Variants in PIGL observed in about 807,000 individuals in gnomAD.
PIGL encodes the protein N-acetylglucosaminyl-phosphatidylinositol de-N-acetylase.
In PIGL, 22 loss-of-function variants were observed where a neutral mutation model predicts 31.1. The ratio of observed to expected loss-of-function variants is 0.71; its 90% CI spans 0.51 to 1.01. PIGL has a LOEUF of 1.01. Ranked by LOEUF, PIGL falls within the 50% of genes least tolerant of loss-of-function variation. The pLI is 0.00. For missense variants in PIGL, 302 were observed against 315.9 expected (o/e 0.96, Z 0.33); for synonymous variants, 131 against 117.4 (o/e 1.12, Z -0.75).
intron 2 of PIGL, among the ~76,000 whole-genome samples, chr17:16,267,250 T>C (rs1001394222): frequency 1.3e-5 from 2 of 152,124 alleles, no homozygotes; most frequent in East Asian, 3.8e-4. Flanking sequence ...GTAAGTGTAT[T>C]TACTATTCAT....
At chr17:16,264,037 C>T (rs1301051348) in intron 2 of PIGL, among the ~76,000 whole-genome samples, 3 of 91,490 alleles carry the variant, frequency 3.3e-5, no homozygotes, top group Admixed American at 1.3e-4. Context: ...TTTTTTGAGA[C>T]AGTCTCATTC....
At chr17:16,262,853 A>G (rs2092824634) in intron 2 of PIGL, among the ~76,000 whole-genome samples, 2 of 152,204 alleles carry the variant, frequency 1.3e-5, no homozygotes, top group Admixed American at 1.3e-4. Flanking sequence ...AAAATGTAGT[A>G]TGTTAATACA....
At chr17:16,318,108 A>G (rs1204194856) in intron 6 of PIGL, among the ~76,000 whole-genome samples, 200 bp downstream of exon 6, 4 of 152,146 alleles carry the variant, frequency 2.6e-5, no homozygotes, top group South Asian at 2.1e-4. Flanking sequence ...TTTTCTAATT[A>G]TAAAAATAAT....
rs1212354885 is a variant in PIGL at position 16,274,889 on chromosome 17, G to A, written c.336-24999G>A. On this transcript the variant is annotated intron_variant, in intron 2 of 6. Coordinates refer to ENST00000225609, the MANE Select transcript of PIGL (RefSeq NM_004278.4). ...TCTACTAAATATACAAAAATTAGCC[G>A]AGTGTGGTGGCTTGCGCCTGTAATC... 5.3e-5 allele frequency among the ~76,000 whole-genome samples: 8 copies of A among 151,762 alleles called. No individual in the cohort carries two copies. The South Asian group carries it at 6.2e-4, about 12-fold the overall frequency.
At chr17:16,220,927 A>G (rs1487496973) in intron 1 of PIGL, among the ~76,000 whole-genome samples, 3 of 152,116 alleles carry the variant, frequency 2.0e-5, no homozygotes, top group African/African-American at 7.2e-5. Flanking sequence ...GCCACTGAGC[A>G]TGGCCTGTTT....
Position 16,317,775 on chromosome 17 carries a change from G to A in PIGL, c.527G>A (p.Gly176Glu), listed in dbSNP as rs766617836. Reference protein sequence around the residue: ...ALHSEGKLPKGCSVLTLQSVN... With the variant: ...ALHSEGKLPKECSVLTLQSVN... ...TTCACCCTGTCTCCTCTCCATCCAG[G>A]GTGCTCTGTGCTCACGCTTCAGTCT... Residue 176 changes from glycine (G) to glutamate (E), a missense_variant and splice_region_variant, in exon 6 of 7, where the codon GGG becomes GAG. Gly to Glu is a moderately conservative substitution (Grantham distance 98). Coordinates refer to ENST00000225609, the MANE Select transcript of PIGL (RefSeq NM_004278.4). The A allele has an allele frequency of 9.9e-6, 16 of 1,613,838 alleles. No homozygotes were observed. Among genetic ancestry groups the A allele is most frequent in the Middle Eastern group, 3.4e-4 (2 of 5,806 alleles).
chr17:16,317,299 T>C, intron 5 of PIGL: 1 of 1,001,764 alleles, frequency 1.0e-6, no homozygotes. Context: ...AACATGACTA[T>C]AGTTTGTTTG....
chr17:16,280,428 G>C (rs983741506), intron 2 of PIGL, among the ~76,000 whole-genome samples: 2 of 152,114 alleles, frequency 1.3e-5, no homozygotes, highest in African/African-American at 4.8e-5. Context: ...TTAACTTGCT[G>C]TTCATGTTTA....
intron 2 of PIGL, among the ~76,000 whole-genome samples, chr17:16,291,721 C>T (rs1167180552): frequency 2.0e-5 from 3 of 151,416 alleles, no homozygotes; most frequent in East Asian, 3.9e-4. Context: ...AAAAATTAGC[C>T]AGGCATGATG....
chr17:16,326,114 G>A lies in PIGL; in HGVS notation c.*216G>A. The A allele has an allele frequency of 1.8e-6, 1 of 551,704 alleles. No homozygotes were observed. Among genetic ancestry groups the A allele is most frequent in the South Asian group, 2.5e-5 (1 of 40,290 alleles). The allele number at this position is 551,704 out of a possible 1,614,324, so 34.2% of individuals were successfully genotyped here. ...AGAACCAAAAACAAACCACCCCAAG[G>A]ATAATAATAGCTACACTGCTAGCTT... On this transcript the variant is annotated 3_prime_UTR_variant, in exon 7 of 7. Coordinates refer to ENST00000225609, the MANE Select transcript of PIGL (RefSeq NM_004278.4).
chr17:16,322,314 C>T (rs934777800), intron 6 of PIGL, among the ~76,000 whole-genome samples: 20 of 151,336 alleles, frequency 1.3e-4, no homozygotes, highest in African/African-American at 4.4e-4. Flanking sequence ...AGGCCAGTCT[C>T]GAACTTCTGG....
intron 1 of PIGL, among the ~76,000 whole-genome samples, chr17:16,228,373 ATTTC>A (rs944513350): frequency 5.3e-5 from 8 of 151,048 alleles, no homozygotes; most frequent in Non-Finnish European, 1.2e-4. Context: ...ATTTTATTTT[ATTTC>A]TTTATTTATT....
At chr17:16,237,772 C>G (rs992161442) in intron 2 of PIGL, among the ~76,000 whole-genome samples, 2 of 147,764 alleles carry the variant, frequency 1.4e-5, no homozygotes, top group Non-Finnish European at 3.0e-5. Flanking sequence ...TGAACTCCAG[C>G]CCGGATAACA....
intron 1 of PIGL, among the ~76,000 whole-genome samples, chr17:16,218,389 G>A (rs147282664): frequency 1.7e-4 from 26 of 152,070 alleles, no homozygotes; most frequent in African/African-American, 5.5e-4. Flanking sequence ...TATGCCCTAG[G>A]GATACAAAAG....
intron 2 of PIGL, among the ~76,000 whole-genome samples, chr17:16,240,790 G>A (rs1241906865): frequency 1.1e-4 from 17 of 151,646 alleles, no homozygotes; most frequent in African/African-American, 3.4e-4. Context: ...GTGAGCCAGC[G>A]CACCTGGCCT....
At chr17:16,219,609 C>A (rs995897962) in intron 1 of PIGL, among the ~76,000 whole-genome samples, 1 of 150,972 alleles carries the variant, frequency 6.6e-6, no homozygotes, top group Non-Finnish European at 1.5e-5. Context: ...ACTCTGTCAC[C>A]CAGGCTGGAG....
intron 2 of PIGL, among the ~76,000 whole-genome samples, chr17:16,268,041 G>T (rs1001495229): frequency 3.3e-5 from 5 of 152,156 alleles, no homozygotes; most frequent in African/African-American, 9.7e-5. Flanking sequence ...TATTCACCAT[G>T]CCGTGGTAAC....
chr17:16,226,084 C>T (rs1459967727), intron 1 of PIGL, among the ~76,000 whole-genome samples: 2 of 151,504 alleles, frequency 1.3e-5, no homozygotes, highest in East Asian at 3.9e-4. Flanking sequence ...GGTGGAAGAA[C>T]ACTTGAGCCC....
At chr17:16,301,080 T>G (rs1234751641) in intron 3 of PIGL, among the ~76,000 whole-genome samples, 3 of 152,204 alleles carry the variant, frequency 2.0e-5, no homozygotes, top group Non-Finnish European at 4.4e-5. Context: ...TGGCTTAAGT[T>G]TTGATTAAGT....
Sources: gnomAD v4.1 joint callset for allele counts (sites outside exome capture counted in the v4.1 genomes callset) on GRCh38, gnomAD v4.1.1 for gene constraint, MANE v1.5 for transcripts, NCBI Gene and HGNC (gene_info 2026-07-23, HGNC 2026-07-21) for gene names.